The following GPD1L variants were observed in gnomAD, a reference collection of about 807,000 sequenced individuals.
GPD1L encodes the protein glycerol-3-phosphate dehydrogenase 1-like protein.
Under a neutral mutation model 32.9 loss-of-function variants are expected in GPD1L, and 17 were observed. That is an observed-to-expected ratio of 0.52 (90% CI 0.35 to 0.78). The LOEUF (loss-of-function observed/expected upper bound fraction) is 0.78, where lower values mean the gene tolerates loss of function less well. GPD1L is among the 30% of genes least tolerant of loss of function. GPD1L has a pLI of 0.01. For synonymous variants in GPD1L, 187 were observed against 165.9 expected, an observed-to-expected ratio of 1.13 and a Z score of -0.98; for missense variants, 361 against 447.8, an observed-to-expected ratio of 0.81 and a Z score of 1.75.
At position 32,163,830 on chromosome 3, in the gene GPD1L, A is replaced by G. The variant is rs755193698; in HGVS notation, c.960-1984A>G. On this transcript the variant is annotated intron_variant, in intron 7 of 7. Coordinates refer to ENST00000282541, the MANE Select transcript of GPD1L (RefSeq NM_015141.4). ...AGTTTTAAAAGTTGGGAGTGCTTTCAGCTGCAAGACCAACACACAGTTATA... is the reference window on the plus strand; with the variant it reads ...AGTTTTAAAAGTTGGGAGTGCTTTCGGCTGCAAGACCAACACACAGTTATA... 2.0e-5 allele frequency among the ~76,000 whole-genome samples: 3 copies of G among 152,216 alleles called. No homozygotes were observed. In the South Asian group the frequency reaches 6.2e-4, roughly 32 times the overall value.
At chr3:32,144,471 G>T (rs1289636694) in intron 4 of GPD1L, among the ~76,000 whole-genome samples, 1 of 152,184 alleles carries the variant, frequency 6.6e-6, no homozygotes, top group African/African-American at 2.4e-5. Context: ...AACACATATG[G>T]AATCACAAAC....
intron 1 of GPD1L, among the ~76,000 whole-genome samples, chr3:32,113,330 G>T (rs2125468513): frequency 6.6e-6 from 1 of 151,950 alleles, no homozygotes; most frequent in Non-Finnish European, 1.5e-5. Context: ...ACTTTTACCT[G>T]TTAATCCCAG....
rs138944558 is a variant in GPD1L at position 32,157,511 on chromosome 3, C to T, written c.619-1365C>T. ...TGCCACCCGCTAGCCCCTGCAATCA[C>T]TGTGTCCCTCCAGGGCTGAGTGGGG... On this transcript the variant is annotated intron_variant, in intron 5 of 7. Transcript: ENST00000282541. 3.4e-3 allele frequency among the ~76,000 whole-genome samples: 518 copies of T among 152,342 alleles called. 1 individual carries two copies. Among genetic ancestry groups the T allele is most frequent in the Middle Eastern group, 0.01 (3 of 294 alleles).
At chr3:32,157,643 G>T (rs774712400) in intron 5 of GPD1L, among the ~76,000 whole-genome samples, 1 of 152,130 alleles carries the variant, frequency 6.6e-6, no homozygotes, top group Non-Finnish European at 1.5e-5. Flanking sequence ...ACAGTTATTT[G>T]TACACGTTTT....
At chr3:32,128,391 G>T in intron 2 of GPD1L, 138 bp downstream of exon 2, 2 of 757,672 alleles carry the variant, frequency 2.6e-6, no homozygotes, top group Non-Finnish European at 4.7e-6. Flanking sequence ...GGTTGGTTTT[G>T]GTCTTCCTGA....
At chr3:32,123,146 C>T (rs1700447850) in intron 1 of GPD1L, among the ~76,000 whole-genome samples, 1 of 152,142 alleles carries the variant, frequency 6.6e-6, no homozygotes, top group Non-Finnish European at 1.5e-5. Flanking sequence ...AAGAAATGCT[C>T]CCTCCTTAGC....
chr3:32,116,651 A>G (rs150969689), intron 1 of GPD1L, among the ~76,000 whole-genome samples: 1 of 152,242 alleles, frequency 6.6e-6, no homozygotes, highest in African/African-American at 2.4e-5. Flanking sequence ...CTGATTTACT[A>G]CTACCAATTT....
chr3:32,148,813 A>C (rs192442943), intron 5 of GPD1L, among the ~76,000 whole-genome samples: 2 of 152,328 alleles, frequency 1.3e-5, no homozygotes, highest in East Asian at 3.9e-4. Context: ...TGTTGCTTTC[A>C]TCACATAAAT....
chr3:32,160,356 T>C (rs1701059732), intron 7 of GPD1L, among the ~76,000 whole-genome samples: 1 of 32,588 alleles, frequency 3.1e-5, no homozygotes, highest in Non-Finnish European at 4.8e-5. Flanking sequence ...TGGGATGAGA[T>C]GGATGGATGG....
At chr3:32,134,475 A>G (rs78971040) in intron 2 of GPD1L, among the ~76,000 whole-genome samples, 1 of 152,136 alleles carries the variant, frequency 6.6e-6, no homozygotes, top group Non-Finnish European at 1.5e-5. Flanking sequence ...CAGCTAGCAG[A>G]TTCCTTGAGA....
chr3:32,131,288 C>A (rs1400838520), intron 2 of GPD1L, among the ~76,000 whole-genome samples: 1 of 152,170 alleles, frequency 6.6e-6, no homozygotes, highest in Non-Finnish European at 1.5e-5. Context: ...ACAGACCATA[C>A]AATTCAGTGG....
At chr3:32,128,313 G>A in intron 2 of GPD1L, 60 bp downstream of exon 2, 3 of 1,405,724 alleles carry the variant, frequency 2.1e-6, no homozygotes, top group South Asian at 1.2e-5. Flanking sequence ...TGGCTGAGCA[G>A]CACTTGGGTT....
chr3:32,158,645 C>A, intron 5 of GPD1L: 1 of 859,262 alleles, frequency 1.2e-6, no homozygotes, highest in Non-Finnish European at 1.7e-6. Context: ...TCTTCAACTG[C>A]TGACCCCAAA....
chr3:32,137,887 T>G (rs1396930222), intron 2 of GPD1L, among the ~76,000 whole-genome samples: 1 of 152,146 alleles, frequency 6.6e-6, no homozygotes, highest in East Asian at 1.9e-4. Flanking sequence ...AGAGGGGCCA[T>G]GGGGTCGAGG....
At chr3:32,159,228 T>A in intron 6 of GPD1L, 119 bp downstream of exon 6, 1 of 770,998 alleles carries the variant, frequency 1.3e-6, no homozygotes. Flanking sequence ...ATTGTTCCGT[T>A]TGCCTGGCTG....
intron 2 of GPD1L, among the ~76,000 whole-genome samples, chr3:32,135,245 C>T (rs934511732): frequency 6.6e-6 from 1 of 152,150 alleles, no homozygotes; most frequent in Non-Finnish European, 1.5e-5. Context: ...GGCGGCCAGG[C>T]TCCATATGAA....
chr3:32,133,802 A>G (rs1229189062), intron 2 of GPD1L, among the ~76,000 whole-genome samples: 1 of 152,244 alleles, frequency 6.6e-6, no homozygotes, highest in East Asian at 1.9e-4. Flanking sequence ...GTAAAAGCTC[A>G]TTGAGCACAC....
intron 1 of GPD1L, among the ~76,000 whole-genome samples, chr3:32,118,670 G>T (rs1700364901): frequency 6.6e-6 from 1 of 152,016 alleles, no homozygotes; most frequent in South Asian, 2.1e-4. Flanking sequence ...TGTTCACATT[G>T]TTCGTATTGA....
intron 1 of GPD1L, among the ~76,000 whole-genome samples, chr3:32,115,203 A>C (rs1700310306): frequency 6.6e-6 from 1 of 152,046 alleles, no homozygotes; most frequent in Non-Finnish European, 1.5e-5. Context: ...TGATTGGTGC[A>C]TTTACAATCC....
Sources: allele counts gnomAD v4.1 joint callset (sites outside exome capture counted in the v4.1 genomes callset), GRCh38; gene constraint gnomAD v4.1.1; transcripts MANE v1.5; gene names NCBI Gene and HGNC (gene_info 2026-07-23, HGNC 2026-07-21).